PTCD1: variants seen among roughly 807,000 people sequenced by gnomAD.
The protein encoded by PTCD1 is pentatricopeptide repeat domain 1.
PTCD1 carries 50 observed loss-of-function variants against 53.4 expected under a neutral mutation model. That is an observed-to-expected ratio of 0.94 (90% CI 0.75 to 1.19). The LOEUF (loss-of-function observed/expected upper bound fraction) is 1.19, where lower values mean the gene tolerates loss of function less well. PTCD1 is among the 50% of genes most tolerant of loss of function. The pLI is 0.00. For missense variants in PTCD1, 918 were observed against 904.8 expected, an observed-to-expected ratio of 1.01 and a Z score of -0.19; for synonymous variants, 413 against 394.8, an observed-to-expected ratio of 1.05 and a Z score of -0.55.
chr7:99,424,975 G>C lies in PTCD1; in HGVS notation c.1557C>G (p.Asp519Glu). 1 of 1,614,244 alleles carries C rather than the reference G, an allele frequency of 6.2e-7. No individual in the cohort carries two copies. ...ALLDEHQVEA[D>E]LTFFNTLVRK... ...TCACCAGCGTGTTAAAGAATGTCAG[G>C]TCGGCCTCTACCTGGTGCTCATCCA... Residue 519 changes from aspartate to glutamate, a missense_variant, in exon 6 of 8, where the codon GAC (aspartate) becomes GAG (glutamate). Coordinates refer to ENST00000292478, the MANE Select transcript of PTCD1 (RefSeq NM_015545.4).
At chr7:99,420,239 G>T (rs903606362) in intron 7 of PTCD1, 90 bp from the exon 8 acceptor site, 97 of 1,580,514 alleles carry the variant, frequency 6.1e-5, no homozygotes, top group Non-Finnish European at 8.1e-5. Flanking sequence ...AGGGAAGCTG[G>T]TGGCTGCCAT....
Position 99,417,915 on chromosome 7 carries a change from G to GT in PTCD1, c.*2051dup. On this transcript the variant is annotated 3_prime_UTR_variant, in exon 8 of 8. Coordinates refer to ENST00000292478, the MANE Select transcript of PTCD1 (RefSeq NM_015545.4). ...GGGTGACATCAGGGAAGGACAACCA[G>GT]TGAGTTCCTGTCCCTTTCAGTCCTC... The GT allele has an allele frequency of 7.7e-7, 1 of 1,299,698 alleles. No homozygotes were observed. The highest frequency in any genetic ancestry group is 9.9e-7 in the Non-Finnish European group (1 of 1,013,772). 80.5% of individuals were successfully genotyped at this position (1,299,698 alleles called of 1,614,324 possible). A position where few individuals can be genotyped will look rare whatever the true frequency, so the allele number is the denominator to read the frequency against.
intron 7 of PTCD1, among the ~76,000 whole-genome samples, chr7:99,421,102 C>T (rs1795793732): frequency 6.6e-6 from 1 of 152,138 alleles, no homozygotes; most frequent in African/African-American, 2.4e-5. Context: ...AGTACAGATG[C>T]TCCTGACAGC....
intron 1 of PTCD1, chr7:99,438,479 C>T: frequency 9.2e-7 from 1 of 1,082,210 alleles, no homozygotes; most frequent in South Asian, 2.1e-5. Flanking sequence ...TAGAGACACG[C>T]TGCGGCCGTC....
At chr7:99,430,272 G>A (rs1355389520) in intron 3 of PTCD1, among the ~76,000 whole-genome samples, 2 of 152,240 alleles carry the variant, frequency 1.3e-5, no homozygotes, top group African/African-American at 2.4e-5. Context: ...GGGTGGCCCC[G>A]AACCAGTGGC....
Position 99,429,672 on chromosome 7 carries a change from G to C in PTCD1, c.729C>G (p.Phe243Leu), listed in dbSNP as rs201764292. Reference sequence around the variant, plus strand: ...CGTGGTATGTTTTCAAGTTGAGCTCGAAGTTTTTGGCCTGCAGCTGCTGCC... The same window carrying C: ...CGTGGTATGTTTTCAAGTTGAGCTCCAAGTTTTTGGCCTGCAGCTGCTGCC... ...KLRQQLQAKNFELNLKTYHAL... is the reference protein window; with the variant it reads ...KLRQQLQAKNLELNLKTYHAL... Residue 243 changes from phenylalanine (F) to leucine (L), a missense_variant, in exon 4 of 8, where the codon TTC (phenylalanine) becomes TTG (leucine). Transcript: ENST00000292478. The C allele has an allele frequency of 5.1e-5, 82 of 1,614,102 alleles. No individual in the cohort carries two copies. Among genetic ancestry groups the C allele is most frequent in the Admixed American group, 8.3e-5 (5 of 60,000 alleles).
Position 99,435,112 on chromosome 7 carries a change from GC to G in PTCD1, c.130del (p.Ala44ArgfsTer103). ...GREGLMRPMW[A>X]PFSSSSSQLP... ...CTGAGAGGAGGAGCTGCTGAAGGGC[GC>G]CCACATTGGCCGCATCAGCCCCTCC... On this transcript the variant is annotated frameshift_variant, in exon 2 of 8. Coordinates refer to ENST00000292478, the MANE Select transcript of PTCD1 (RefSeq NM_015545.4). LOFTEE classifies it high-confidence loss of function. 1 of 1,603,534 alleles carries G rather than the reference GC, an allele frequency of 6.2e-7. No homozygotes were observed.
At chr7:99,421,838 T>C (rs1795836684) in intron 7 of PTCD1, among the ~76,000 whole-genome samples, 1 of 152,166 alleles carries the variant, frequency 6.6e-6, no homozygotes, top group Admixed American at 6.5e-5. Context: ...GTGATATACA[T>C]TCAGTAGAAA....
At chr7:99,428,134 GCTCACGC>G (rs745903832) in intron 5 of PTCD1, among the ~76,000 whole-genome samples, 20 of 151,854 alleles carry the variant, frequency 1.3e-4, no homozygotes, top group Non-Finnish European at 2.5e-4. Flanking sequence ...GGGCGCGGTG[GCTCACGC>G]CTGTAATACT....
At chr7:99,436,332 C>G (rs1426696075) in intron 1 of PTCD1, among the ~76,000 whole-genome samples, 1 of 151,768 alleles carries the variant, frequency 6.6e-6, no homozygotes, top group Non-Finnish European at 1.5e-5. Context: ...AAAACTAGGC[C>G]CAGTAGGTCA....
At chr7:99,420,790 C>CT in intron 7 of PTCD1, among the ~76,000 whole-genome samples, 1 of 152,170 alleles carries the variant, frequency 6.6e-6, no homozygotes, top group Middle Eastern at 3.4e-3. Flanking sequence ...AACTCCATCT[C>CT]TACTAAAAAT....
Position 99,438,690 on chromosome 7 carries a change from AC to A in PTCD1, c.-27+1del. On this transcript the variant is annotated splice_donor_variant, in intron 1 of 7. Coordinates refer to ENST00000292478, the MANE Select transcript of PTCD1 (RefSeq NM_015545.4). LOFTEE classifies it low-confidence loss of function (5UTR_SPLICE). ...TCCTGCGAGGATCACACAGGAACTC[AC>A]TTGAAGTGTCCGGCGCAGTGCACTC... 7.8e-7 allele frequency: 1 copy of A among 1,277,552 alleles called. No homozygotes were observed. Among genetic ancestry groups the A allele is most frequent in the Non-Finnish European group, 1.0e-6 (1 of 986,396 alleles). The allele number at this position is 1,277,552 out of a possible 1,614,324, so 79.1% of individuals were successfully genotyped here.
At position 99,418,018 on chromosome 7, in the gene PTCD1, A is replaced by G; in HGVS notation, c.*1949T>C. The stretch of plus-strand genomic sequence containing the variant: ...AGTCTTGCTTTGTCGCCCAGGCTGG[A>G]GTGCAGTGATGCCATCTTGGCTCAC... On this transcript the variant is annotated 3_prime_UTR_variant, in exon 8 of 8. Transcript: ENST00000292478. 1 of 1,148,728 alleles carries G rather than the reference A, an allele frequency of 8.7e-7. No homozygotes were observed. The highest frequency in any genetic ancestry group is 1.8e-5 in the South Asian group (1 of 55,880). The allele number at this position is 1,148,728 out of a possible 1,614,324, so 71.2% of individuals were successfully genotyped here.
chr7:99,428,294 T>G (rs980692525), intron 5 of PTCD1, among the ~76,000 whole-genome samples: 2 of 148,872 alleles, frequency 1.3e-5, no homozygotes, highest in African/African-American at 5.0e-5. Context: ...TCCCAGCTAC[T>G]CAGGAGGCTG....
At chr7:99,429,525 C>A (rs1238122428) in intron 4 of PTCD1, 63 bp downstream of exon 4, 2 of 1,610,196 alleles carry the variant, frequency 1.2e-6, no homozygotes, top group African/African-American at 2.7e-5. Context: ...GACACCACAG[C>A]CCTGCCCCTG....
chr7:99,417,990 C>T lies in PTCD1; in HGVS notation c.*1977G>A, dbSNP rs917949646. 13 of 1,170,522 alleles carry T rather than the reference C, an allele frequency of 1.1e-5. No homozygotes were observed. Among genetic ancestry groups the T allele is most frequent in the East Asian group, 6.5e-5 (1 of 15,304 alleles). 72.5% of individuals were successfully genotyped at this position (1,170,522 alleles called of 1,614,324 possible). ...CACTATCTTTCCCGCCCCCCCAAGACGGAGTCTTGCTTTGTCGCCCAGGCT... is the reference window on the plus strand; with the variant it reads ...CACTATCTTTCCCGCCCCCCCAAGATGGAGTCTTGCTTTGTCGCCCAGGCT... On this transcript the variant is annotated 3_prime_UTR_variant, in exon 8 of 8. Transcript: ENST00000292478.
chr7:99,436,298 A>T (rs1796463514), intron 1 of PTCD1, among the ~76,000 whole-genome samples: 1 of 152,096 alleles, frequency 6.6e-6, no homozygotes, highest in Non-Finnish European at 1.5e-5. Context: ...AAGTCTTACA[A>T]GTGATGGCAG....
chr7:99,425,541 C>A lies in PTCD1; in HGVS notation c.991G>T (p.Asp331Tyr). The A allele has an allele frequency of 6.2e-7, 1 of 1,612,798 alleles. No homozygotes were observed. Among genetic ancestry groups the A allele is most frequent in the Non-Finnish European group, 8.5e-7 (1 of 1,179,928 alleles). Residue 331 changes from aspartate (D) to tyrosine (Y), a missense_variant, in exon 6 of 8, where the codon GAC (aspartate) becomes TAC (tyrosine). Asp to Tyr is a radical substitution (Grantham distance 160, BLOSUM62 -3). Coordinates refer to ENST00000292478, the MANE Select transcript of PTCD1 (RefSeq NM_015545.4). ...ACCTGGGGGTCCCCTAGGCCACAGT[C>A]CCGAGCTGCCACCAACAGCAGGTTG... ...SYNLLLVAAR[D>Y]CGLGDPQVAS...
chr7:99,426,324 C>T (rs921100368), intron 5 of PTCD1, among the ~76,000 whole-genome samples: 7 of 152,170 alleles, frequency 4.6e-5, no homozygotes, highest in South Asian at 4.1e-4. Flanking sequence ...CGAGTACCTG[C>T]GATTGCAGGC....
Sources: allele counts gnomAD v4.1 joint callset (sites outside exome capture counted in the v4.1 genomes callset), GRCh38; gene constraint gnomAD v4.1.1; transcripts MANE v1.5; gene names NCBI Gene and HGNC (gene_info 2026-07-23, HGNC 2026-07-21).